PCDH11X: variants seen among roughly 807,000 people sequenced by gnomAD.
The protein encoded by PCDH11X is protocadherin 11 X-linked, also known as protocadherin-11 X-linked.
Under a neutral mutation model 53.3 loss-of-function variants are expected in PCDH11X, and 18 were observed. The ratio of observed to expected loss-of-function variants is 0.34; its 90% CI spans 0.23 to 0.50. The LOEUF (loss-of-function observed/expected upper bound fraction) is 0.50, where lower values mean the gene tolerates loss of function less well. Ranked by LOEUF, PCDH11X falls within the 20% of genes least tolerant of loss-of-function variation. The pLI is 0.98. For missense variants in PCDH11X, 570 were observed against 1,032.4 expected, an observed-to-expected ratio of 0.55 and a Z score of 6.14; for synonymous variants, 279 against 393.3, an observed-to-expected ratio of 0.71 and a Z score of 3.44.
In PCDH11X at chrX:91,912,858, C is replaced by A. The variant is rs911197591; in HGVS notation, c.3033+33585C>A. ...ACTGCTGCAAATTCCACAAAACAGG[C>A]GAAAAACTGTATGTTCCCAAAGTGT... On this transcript the variant is annotated intron_variant, in intron 6 of 10. Transcript: ENST00000682573. Among the ~76,000 whole-genome samples the A allele has an allele frequency of 4.5e-5, 5 of 111,734 alleles. No individual in the cohort carries two copies. The Admixed American group carries it at 4.7e-4, about 11-fold the overall frequency.
chrX:91,999,640 C>T (rs2062476454), intron 6 of PCDH11X, among the ~76,000 whole-genome samples: 1 of 109,470 alleles, frequency 9.1e-6, no homozygotes, highest in Non-Finnish European at 1.9e-5. Flanking sequence ...ATGACAGCTT[C>T]CTACTTTTTA....
intron 10 of PCDH11X, among the ~76,000 whole-genome samples, chrX:92,518,234 T>C (rs925177408): frequency 2.5e-4 from 28 of 111,910 alleles, no homozygotes; most frequent in African/African-American, 9.1e-4. Context: ...CTCATCCAAA[T>C]TGAGAAGTAA....
intron 6 of PCDH11X, among the ~76,000 whole-genome samples, chrX:91,886,787 C>A (rs1440874353): frequency 2.8e-5 from 3 of 108,317 alleles, no homozygotes; most frequent in African/African-American, 1.0e-4. Flanking sequence ...CTGGCTAACA[C>A]AGTGAAACCC....
intron 8 of PCDH11X, among the ~76,000 whole-genome samples, chrX:92,306,806 C>T (rs776036054): frequency 4.5e-5 from 5 of 110,319 alleles, no homozygotes; most frequent in Admixed American, 9.7e-5. Flanking sequence ...ACAAATTAGC[C>T]GAGCGTGGTC....
At chrX:92,614,464 G>A (rs1251454408) in intron 10 of PCDH11X, among the ~76,000 whole-genome samples, 1 of 107,889 alleles carries the variant, frequency 9.3e-6, no homozygotes, top group Non-Finnish European at 1.9e-5. Context: ...ATTGATGTGT[G>A]TAGTTCAACC....
intron 8 of PCDH11X, among the ~76,000 whole-genome samples, chrX:92,286,593 G>C (rs924735720): frequency 1.0e-5 from 1 of 97,390 alleles, no homozygotes; most frequent in Non-Finnish European, 2.0e-5. Flanking sequence ...TTTCATTCTA[G>C]ATTAAATGGG....
intron 1 of PCDH11X, among the ~76,000 whole-genome samples, chrX:91,799,794 G>T (rs1306551073): frequency 8.9e-6 from 1 of 112,393 alleles, no homozygotes; most frequent in African/African-American, 3.2e-5. Flanking sequence ...ACCTCATTAA[G>T]GTTTTTGTGG....
At chrX:92,128,136 G>A (rs1462850759) in intron 6 of PCDH11X, among the ~76,000 whole-genome samples, 1 of 111,700 alleles carries the variant, frequency 9.0e-6, no homozygotes, top group Non-Finnish European at 1.9e-5. Context: ...TATAATGAAT[G>A]TGGAAGCAAT....
chrX:92,528,842 A>G (rs1267931799), intron 10 of PCDH11X, among the ~76,000 whole-genome samples: 1 of 111,268 alleles, frequency 9.0e-6, no homozygotes, highest in Non-Finnish European at 1.9e-5. Flanking sequence ...CAAAATGAGA[A>G]TATCAGCATT....
chrX:92,455,943 T>G (rs1366365159), intron 9 of PCDH11X, among the ~76,000 whole-genome samples: 1 of 110,052 alleles, frequency 9.1e-6, no homozygotes, highest in African/African-American at 3.3e-5. Context: ...TGGCAAATTA[T>G]AAAAAATACC....
At chrX:92,457,162 A>AT (rs1481243717) in intron 9 of PCDH11X, among the ~76,000 whole-genome samples, 1 of 110,293 alleles carries the variant, frequency 9.1e-6, no homozygotes, top group African/African-American at 3.3e-5. Context: ...TTTATTTTTC[A>AT]TTTTTTCTTT....
At chrX:92,509,293 G>A (rs1241023502) in intron 10 of PCDH11X, among the ~76,000 whole-genome samples, 7 of 111,123 alleles carry the variant, frequency 6.3e-5, no homozygotes, top group Non-Finnish European at 1.1e-4. Flanking sequence ...AAGTGGGGGT[G>A]CAGCTGAATG....
At chrX:92,578,454 T>G (rs1602373789) in intron 10 of PCDH11X, among the ~76,000 whole-genome samples, 1 of 110,348 alleles carries the variant, frequency 9.1e-6, no homozygotes, top group Non-Finnish European at 1.9e-5. Flanking sequence ...TGGGTGCTCT[T>G]GGATAACTAG....
At chrX:92,054,820 CAAAAAAAAAAA>C (rs1174448342) in intron 6 of PCDH11X, among the ~76,000 whole-genome samples, 4 of 25,347 alleles carry the variant, frequency 1.6e-4, no homozygotes, top group African/African-American at 4.3e-4. Flanking sequence ...AACTCTGTCT[CAAAAAAAAAAA>C]AAAAAAAAAA....
At chrX:92,351,658 C>T (rs908242585) in intron 8 of PCDH11X, among the ~76,000 whole-genome samples, 1 of 111,477 alleles carries the variant, frequency 9.0e-6, no homozygotes, top group Admixed American at 9.6e-5. Context: ...TTATTTACTG[C>T]AAGCATCATA....
At chrX:92,137,882 G>A (rs1033524397) in intron 6 of PCDH11X, among the ~76,000 whole-genome samples, 3 of 110,418 alleles carry the variant, frequency 2.7e-5, no homozygotes, top group Middle Eastern at 4.7e-3. Flanking sequence ...GGGCGCATGA[G>A]CAGAATGCAC....
intron 8 of PCDH11X, among the ~76,000 whole-genome samples, chrX:92,370,923 A>G (rs910005811): frequency 5.4e-5 from 6 of 112,116 alleles, no homozygotes; most frequent in Admixed American, 4.7e-4. Context: ...TAATAATTAT[A>G]TATTTTTGGT....
chrX:92,433,440 A>G (rs1217631536), intron 9 of PCDH11X, among the ~76,000 whole-genome samples: 1 of 110,614 alleles, frequency 9.0e-6, no homozygotes, highest in Admixed American at 9.7e-5. Context: ...ACCCTTTAGG[A>G]TTATTAACAG....
intron 7 of PCDH11X, among the ~76,000 whole-genome samples, chrX:92,258,090 G>T (rs1013257556): frequency 1.8e-5 from 2 of 111,624 alleles, no homozygotes; most frequent in Admixed American, 1.9e-4. Flanking sequence ...CCTCCATGTG[G>T]AAACCATGAA....
Sources: allele counts gnomAD v4.1 joint callset (sites outside exome capture counted in the v4.1 genomes callset), GRCh38; gene constraint gnomAD v4.1.1; transcripts MANE v1.5; gene names NCBI Gene and HGNC (gene_info 2026-07-23, HGNC 2026-07-21).